Variants in PAX3 observed in about 807,000 individuals in gnomAD.
The protein encoded by PAX3 is paired box 3.
Under a neutral mutation model 51.6 loss-of-function variants are expected in PAX3, and 14 were observed. That is an observed-to-expected ratio of 0.27 (90% CI 0.18 to 0.42). The LOEUF is 0.42. Among genes scored for constraint, PAX3 ranks in the 10% least tolerant of loss-of-function variants. The pLI is 1.00. For missense variants in PAX3, 540 were observed against 642.8 expected (o/e 0.84, Z 1.73); for synonymous variants, 280 against 253.4 (o/e 1.11, Z -1.00).
chr2:222,260,601 T>G (rs1693825103), intron 4 of PAX3, among the ~76,000 whole-genome samples: 3 of 66,600 alleles, frequency 4.5e-5, no homozygotes, highest in Admixed American at 2.1e-4. Flanking sequence ...GTTTTTTTTT[T>G]TTTTTTTTGA....
intron 4 of PAX3, chr2:222,287,333 C>T (rs1467921416): frequency 6.6e-6 from 1 of 152,160 alleles, no homozygotes; most frequent in Non-Finnish European, 1.5e-5. Context: ...ATTATAATAC[C>T]TATTGCTGCT....
chr2:222,237,127 CT>C (rs1211022894), intron 4 of PAX3, among the ~76,000 whole-genome samples: 5 of 152,044 alleles, frequency 3.3e-5, no homozygotes, highest in African/African-American at 9.7e-5. Context: ...CCCTTCCCCC[CT>C]AACTTCACAG....
At chr2:222,221,705 C>T (rs1692200128) in intron 5 of PAX3, 3 of 358,524 alleles carry the variant, frequency 8.4e-6, no homozygotes, top group Non-Finnish European at 1.6e-5. Context: ...TCAACATCCA[C>T]CCACCTACGT....
At chr2:222,212,112 G>T (rs988529792) in intron 7 of PAX3, among the ~76,000 whole-genome samples, 1 of 152,124 alleles carries the variant, frequency 6.6e-6, no homozygotes, top group Admixed American at 6.6e-5. Context: ...GGCTAAAAAA[G>T]AAATTTTGCC....
Position 222,297,139 on chromosome 2 carries a change from G to T in PAX3, c.160C>A (p.His54Asn). 2 of 1,609,468 alleles carry T rather than the reference G, an allele frequency of 1.2e-6. No individual in the cohort carries two copies. Among genetic ancestry groups the T allele is most frequent in the Non-Finnish European group, 1.7e-6 (2 of 1,178,398 alleles). The change falls in exon 2 of 9, where the codon CAC becomes AAC. Residue 54 changes from histidine (H) to asparagine (N), a missense_variant. Physicochemically the swap from His to Asn is moderately conservative, Grantham distance 68 (BLOSUM62 1). Around this residue, in one of 3 missense-constraint regions of PAX3, gnomAD observed 50 missense variants for 109.3 expected, o/e 0.46. Transcript: ENST00000392070. ...VFINGRPLPN[H>N]IRHKIVEMAH... ...ATCTCCACGATCTTGTGGCGGATGTGGTTGGGCAGCGGCCTGCCGTTGATA... is the reference window on the plus strand; with the variant it reads ...ATCTCCACGATCTTGTGGCGGATGTTGTTGGGCAGCGGCCTGCCGTTGATA...
chr2:222,227,923 G>A (rs1400425454), intron 5 of PAX3, among the ~76,000 whole-genome samples: 1 of 152,066 alleles, frequency 6.6e-6, no homozygotes, highest in Non-Finnish European at 1.5e-5. Context: ...GAAGAGTGTA[G>A]AAATATTTTT....
chr2:222,233,488 G>T (rs1355839883), intron 4 of PAX3, among the ~76,000 whole-genome samples: 1 of 152,198 alleles, frequency 6.6e-6, no homozygotes, highest in Non-Finnish European at 1.5e-5. Flanking sequence ...TGAGGGCAGG[G>T]GTGGAGCAGG....
intron 7 of PAX3, among the ~76,000 whole-genome samples, chr2:222,219,747 C>A (rs1017207839): frequency 6.6e-6 from 1 of 152,034 alleles, no homozygotes; most frequent in Non-Finnish European, 1.5e-5. Flanking sequence ...CAATTTAAAA[C>A]CTTATCAATT....
intron 4 of PAX3, among the ~76,000 whole-genome samples, chr2:222,237,601 T>G (rs1032514972): frequency 6.6e-6 from 1 of 152,212 alleles, no homozygotes; most frequent in East Asian, 1.9e-4. Context: ...GTATAGTTTT[T>G]AAACAACAAT....
rs765730375 is a variant in PAX3 at position 222,232,108 on chromosome 2, C to T, written c.762G>A (p.Gln254=). The change falls in exon 5 of 9, where the codon CAG becomes CAA. Residue 254 remains glutamine (Q), a synonymous_variant. Transcript: ENST00000392070. Reference sequence around the variant, plus strand: ...CTCGGGCCTCGGTGAGCTTCGCCCTCTGGGCCAGTTCCTCCCTAGTATAAA... The same window carrying T: ...CTCGGGCCTCGGTGAGCTTCGCCCTTTGGGCCAGTTCCTCCCTAGTATAAA... ...PDIYTREELA[Q]RAKLTEARVQ... 19 of 1,613,940 alleles carry T rather than the reference C, an allele frequency of 1.2e-5. No individual in the cohort carries two copies. The highest frequency in any genetic ancestry group is 2.5e-6 in the Non-Finnish European group (3 of 1,179,986).
chr2:222,273,543 C>G (rs1427219230), intron 4 of PAX3, among the ~76,000 whole-genome samples: 2 of 152,132 alleles, frequency 1.3e-5, no homozygotes, highest in East Asian at 1.9e-4. Flanking sequence ...GGAGATCATG[C>G]CAGTGGTTCC....
intron 5 of PAX3, among the ~76,000 whole-genome samples, chr2:222,224,694 A>G (rs1692318972): frequency 6.6e-6 from 1 of 152,188 alleles, no homozygotes; most frequent in Non-Finnish European, 1.5e-5. Context: ...TGATACTCCT[A>G]AGTCTTAGAT....
At chr2:222,278,418 G>A (rs1223565499) in intron 4 of PAX3, among the ~76,000 whole-genome samples, 2 of 152,344 alleles carry the variant, frequency 1.3e-5, no homozygotes, top group East Asian at 3.9e-4. Context: ...TAAGAGCTCA[G>A]CCCAGACTTC....
At chr2:222,276,650 G>T (rs1490612847) in intron 4 of PAX3, among the ~76,000 whole-genome samples, 2 of 152,210 alleles carry the variant, frequency 1.3e-5, no homozygotes, top group Non-Finnish European at 2.9e-5. Flanking sequence ...TCCAGAAACG[G>T]AAAGCAACCA....
chr2:222,257,347 G>A (rs920823036), intron 4 of PAX3, among the ~76,000 whole-genome samples: 31 of 152,126 alleles, frequency 2.0e-4, no homozygotes, highest in Non-Finnish European at 4.3e-4. Context: ...CAAATATGAA[G>A]GGCCAATTAA....
chr2:222,243,246 G>T (rs1433147544), intron 4 of PAX3, among the ~76,000 whole-genome samples: 1 of 152,192 alleles, frequency 6.6e-6, no homozygotes, highest in African/African-American at 2.4e-5. Context: ...AATGAGTAGA[G>T]AATTGAAAAT....
chr2:222,266,538 G>A (rs1252606004), intron 4 of PAX3, among the ~76,000 whole-genome samples: 2 of 152,208 alleles, frequency 1.3e-5, no homozygotes, highest in Non-Finnish European at 2.9e-5. Context: ...CAATCACATA[G>A]TGTGGCAGTT....
intron 4 of PAX3, among the ~76,000 whole-genome samples, chr2:222,279,387 A>G (rs543147280): frequency 6.6e-6 from 1 of 152,266 alleles, no homozygotes; most frequent in Non-Finnish European, 1.5e-5. Flanking sequence ...ACAGGGATTC[A>G]GGAAAGGAGA....
chr2:222,226,403 G>A (rs1692386743), intron 5 of PAX3, among the ~76,000 whole-genome samples: 2 of 152,084 alleles, frequency 1.3e-5, no homozygotes, highest in African/African-American at 4.8e-5. Flanking sequence ...TTGGAAACAG[G>A]ATGGGCAAGA....
Sources: gnomAD v4.1 joint callset for allele counts (sites outside exome capture counted in the v4.1 genomes callset) on GRCh38, gnomAD v4.1.1 for gene constraint, gnomAD v4.1.1 regional missense constraint, MANE v1.5 for transcripts, NCBI Gene and HGNC (gene_info 2026-07-23, HGNC 2026-07-21) for gene names.